METTL25: variants seen among roughly 807,000 people sequenced by gnomAD.
The protein encoded by METTL25 is probable methyltransferase-like protein 25.
A neutral mutation model predicts 71.6 loss-of-function variants in METTL25; 64 were observed. The ratio of observed to expected loss-of-function variants is 0.89; its 90% CI spans 0.73 to 1.10. METTL25 has a LOEUF of 1.10. Ranked by LOEUF, METTL25 falls within the 50% of genes least tolerant of loss-of-function variation. The pLI, the probability that METTL25 is intolerant of heterozygous loss-of-function variation, is 0.00. For synonymous variants in METTL25, 287 were observed against 250.3 expected, an observed-to-expected ratio of 1.15 and a Z score of -1.38; for missense variants, 807 against 707.0, an observed-to-expected ratio of 1.14 and a Z score of -1.60.
chr12:82,465,455 C>T (rs1414402077), intron 9 of METTL25, among the ~76,000 whole-genome samples: 1 of 151,868 alleles, frequency 6.6e-6, no homozygotes, highest in Non-Finnish European at 1.5e-5. Context: ...ATATAGCTCA[C>T]TTTCATAGTG....
chr12:82,429,026 A>G (rs2137138562), intron 5 of METTL25, among the ~76,000 whole-genome samples: 1 of 152,022 alleles, frequency 6.6e-6, no homozygotes, highest in South Asian at 2.1e-4. Context: ...TCAAGCATTT[A>G]TCATTTCTGT....
At chr12:82,467,705 T>C (rs1592773465) in intron 9 of METTL25, among the ~76,000 whole-genome samples, 1 of 152,116 alleles carries the variant, frequency 6.6e-6, no homozygotes, top group East Asian at 1.9e-4. Flanking sequence ...CTCTTGATGA[T>C]TTTAGAATTC....
chr12:82,466,062 T>C (rs1168425257), intron 9 of METTL25, among the ~76,000 whole-genome samples: 1 of 151,620 alleles, frequency 6.6e-6, no homozygotes, highest in Non-Finnish European at 1.5e-5. Flanking sequence ...ATTTTTTGTT[T>C]TGTTCTCTTT....
At chr12:82,438,614 C>A in intron 7 of METTL25, 104 bp from the exon 8 acceptor site, 1 of 577,132 alleles carries the variant, frequency 1.7e-6, no homozygotes, top group Non-Finnish European at 2.7e-6. Context: ...CTGTGTTTAG[C>A]AACAAAGGTT....
intron 9 of METTL25, among the ~76,000 whole-genome samples, chr12:82,460,873 G>A (rs776612768): frequency 7.7e-4 from 117 of 152,344 alleles, no homozygotes; most frequent in Non-Finnish European, 1.4e-3. Flanking sequence ...GCCGGGCGCG[G>A]TAGCTCACGC....
At chr12:82,435,983 A>G (rs974227897) in intron 7 of METTL25, among the ~76,000 whole-genome samples, 3 of 151,444 alleles carry the variant, frequency 2.0e-5, no homozygotes, top group Non-Finnish European at 4.4e-5. Context: ...GGTAACAAAG[A>G]CTAAGACTTG....
chr12:82,390,462 T>C (rs1225365997), intron 3 of METTL25, among the ~76,000 whole-genome samples: 1 of 152,128 alleles, frequency 6.6e-6, no homozygotes, highest in East Asian at 1.9e-4. Context: ...ATAAGATTAA[T>C]GATTGTACAC....
At chr12:82,394,012 G>A (rs1200073135) in intron 3 of METTL25, among the ~76,000 whole-genome samples, 21 of 151,838 alleles carry the variant, frequency 1.4e-4, no homozygotes, top group Non-Finnish European at 1.0e-4. Flanking sequence ...GGTCATTCAG[G>A]AGCATGTTGT....
chr12:82,384,501 A>G (rs907169091), intron 1 of METTL25, among the ~76,000 whole-genome samples: 6 of 151,258 alleles, frequency 4.0e-5, no homozygotes, highest in Non-Finnish European at 7.4e-5. Flanking sequence ...TACAGCAGCT[A>G]TATTTCCATA....
intron 8 of METTL25, among the ~76,000 whole-genome samples, chr12:82,443,874 G>A (rs1029696121): frequency 5.3e-5 from 8 of 152,134 alleles, no homozygotes; most frequent in Admixed American, 1.3e-4. Context: ...TGAAAGGTCT[G>A]CCCCTATGGC....
chr12:82,359,014 CTCTT>C (rs1186843150), intron 1 of METTL25, 190 bp downstream of exon 1: 4 of 645,442 alleles, frequency 6.2e-6, no homozygotes, highest in East Asian at 5.5e-5. Context: ...ATCAGGATCA[CTCTT>C]TCTTTGGGTG....
intron 1 of METTL25, among the ~76,000 whole-genome samples, chr12:82,374,616 G>T (rs184752723): frequency 1.3e-5 from 2 of 152,146 alleles, no homozygotes; most frequent in African/African-American, 4.8e-5. Context: ...GTCCCCACCC[G>T]ACCCAGAAGC....
chr12:82,451,470 G>C (rs1891142777), intron 8 of METTL25, among the ~76,000 whole-genome samples: 1 of 152,098 alleles, frequency 6.6e-6, no homozygotes, highest in Admixed American at 6.6e-5. Flanking sequence ...TACCTCAAAA[G>C]GGTGTTTTGA....
intron 9 of METTL25, among the ~76,000 whole-genome samples, chr12:82,465,841 G>A (rs1411835710): frequency 6.6e-6 from 1 of 151,864 alleles, no homozygotes; most frequent in Admixed American, 6.6e-5. Context: ...GGTTGTATGT[G>A]TCTAAGAACT....
At chr12:82,382,768 T>G (rs1751753636) in intron 1 of METTL25, among the ~76,000 whole-genome samples, 1 of 152,058 alleles carries the variant, frequency 6.6e-6, no homozygotes, top group South Asian at 2.1e-4. Flanking sequence ...CAGGCTGGAG[T>G]GCAGTGTCAT....
intron 9 of METTL25, among the ~76,000 whole-genome samples, chr12:82,463,798 C>T (rs1321140586): frequency 6.6e-6 from 1 of 151,790 alleles, no homozygotes; most frequent in Admixed American, 6.6e-5. Context: ...GAGATGATAC[C>T]TCATTGTGGT....
intron 5 of METTL25, among the ~76,000 whole-genome samples, chr12:82,410,089 C>G (rs1887434713): frequency 6.6e-6 from 1 of 151,976 alleles, no homozygotes; most frequent in South Asian, 2.1e-4. Context: ...GAAAAGGTGT[C>G]TAGAGGTTGA....
chr12:82,361,779 T>G (rs1881959559), intron 1 of METTL25, among the ~76,000 whole-genome samples: 1 of 152,144 alleles, frequency 6.6e-6, no homozygotes, highest in Non-Finnish European at 1.5e-5. Context: ...CGCGCAGCCC[T>G]GGTTCCCACC....
At chr12:82,397,322 A>G (rs1886169052) in intron 3 of METTL25, among the ~76,000 whole-genome samples, 2 of 152,058 alleles carry the variant, frequency 1.3e-5, no homozygotes, top group Admixed American at 1.3e-4. Context: ...CCTGTTTTCT[A>G]ACTGGGTTAC....
Sources: allele counts gnomAD v4.1 joint callset (sites outside exome capture counted in the v4.1 genomes callset), GRCh38; gene constraint gnomAD v4.1.1; transcripts MANE v1.5; gene names NCBI Gene and HGNC (gene_info 2026-07-23, HGNC 2026-07-21).